The following SLC16A12 variants were observed in gnomAD, a reference collection of about 807,000 sequenced individuals.
The protein encoded by SLC16A12 is monocarboxylate transporter 12.
Under a neutral mutation model 42.4 loss-of-function variants are expected in SLC16A12, and 17 were observed. The observed-to-expected ratio is 0.40, with a 90% CI of 0.27 to 0.60. The LOEUF (loss-of-function observed/expected upper bound fraction) is 0.60. Among genes scored for constraint, SLC16A12 ranks in the 20% least tolerant of loss-of-function variants. The pLI is 0.42. For synonymous variants in SLC16A12, 224 were observed against 229.4 expected, an observed-to-expected ratio of 0.98 and a Z score of 0.21; for missense variants, 544 against 623.0, an observed-to-expected ratio of 0.87 and a Z score of 1.35.
chr10:89,510,304 T>G (rs1199889712), intron 2 of SLC16A12, among the ~76,000 whole-genome samples: 1 of 152,182 alleles, frequency 6.6e-6, no homozygotes, highest in Admixed American at 6.5e-5. Context: ...AGAATAAAGC[T>G]GGAGGCATCC....
intron 7 of SLC16A12, 126 bp from the exon 8 acceptor site, chr10:89,433,452 A>C: frequency 1.0e-6 from 1 of 978,202 alleles, no homozygotes; most frequent in East Asian, 2.6e-5. Flanking sequence ...ACTTTGAAAC[A>C]AAAAGAGGTC....
intron 2 of SLC16A12, among the ~76,000 whole-genome samples, chr10:89,552,520 G>T (rs1270566639): frequency 6.6e-6 from 1 of 152,178 alleles, no homozygotes; most frequent in Non-Finnish European, 1.5e-5. Context: ...ATGAATTGAG[G>T]TGGACGTGTG....
chr10:89,502,376 G>A (rs2133823677), intron 2 of SLC16A12, among the ~76,000 whole-genome samples: 1 of 152,192 alleles, frequency 6.6e-6, no homozygotes, highest in East Asian at 1.9e-4. Flanking sequence ...CTTGAACCCA[G>A]GAGGCAGAGG....
chr10:89,539,073 C>T (rs1486030986), upstream of SLC16A12, among the ~76,000 whole-genome samples: 1 of 152,092 alleles, frequency 6.6e-6, no homozygotes, highest in African/African-American at 2.4e-5. Flanking sequence ...TCCGATTTTC[C>T]TCTGCTGTAT....
At chr10:89,436,914 A>AAGAGAAAGAAAGAAAAAG (rs796398100) in intron 6 of SLC16A12, among the ~76,000 whole-genome samples, 3 of 136,462 alleles carry the variant, frequency 2.2e-5, no homozygotes, top group African/African-American at 8.5e-5. Flanking sequence ...GAAAGAAAGA[A>AAGAGAAAGAAAGAAAAAG]AAAGAAAGAG....
rs368152347 is a variant in SLC16A12, at chr10:89,477,500, G to A, written c.-46-14876C>T. Among the ~76,000 whole-genome samples, 5 of 147,346 alleles carry A rather than the reference G, an allele frequency of 3.4e-5. No individual in the cohort carries two copies. The South Asian group carries it at 8.5e-4, about 25-fold the overall frequency. Reference sequence around the variant, plus strand: ...AATCACTTGAACCCAGGAGGAGGAGGTTGCGTTGAGCCGAGATTGTGCCAT... The same window carrying A: ...AATCACTTGAACCCAGGAGGAGGAGATTGCGTTGAGCCGAGATTGTGCCAT... On this transcript the variant is annotated intron_variant, in intron 2 of 7. Coordinates refer to ENST00000371790, the MANE Select transcript of SLC16A12 (RefSeq NM_213606.4).
chr10:89,483,332 T>C (rs376858457), intron 2 of SLC16A12, among the ~76,000 whole-genome samples: 1 of 152,248 alleles, frequency 6.6e-6, no homozygotes, highest in East Asian at 1.9e-4. Context: ...AACACAAACA[T>C]TGAGTCCATA....
intron 2 of SLC16A12, among the ~76,000 whole-genome samples, chr10:89,521,909 T>A (rs1843364387): frequency 6.6e-6 from 1 of 152,256 alleles, no homozygotes; most frequent in Non-Finnish European, 1.5e-5. Context: ...GTGGTCTTTA[T>A]TGTATGCCGG....
intron 2 of SLC16A12, among the ~76,000 whole-genome samples, chr10:89,470,016 T>G (rs1589686279): frequency 6.6e-6 from 1 of 152,220 alleles, no homozygotes; most frequent in Non-Finnish European, 1.5e-5. Flanking sequence ...ATAGGTAATA[T>G]TTTTTAAGAA....
At chr10:89,493,466 G>A (rs967692064) in intron 2 of SLC16A12, among the ~76,000 whole-genome samples, 4 of 152,090 alleles carry the variant, frequency 2.6e-5, no homozygotes, top group Non-Finnish European at 5.9e-5. Flanking sequence ...CAGGTAATCC[G>A]CCCACTTTGG....
chr10:89,452,994 A>G (rs1842120123), intron 3 of SLC16A12, among the ~76,000 whole-genome samples: 1 of 152,210 alleles, frequency 6.6e-6, no homozygotes, highest in Admixed American at 6.5e-5. Flanking sequence ...AGGCCAAATG[A>G]GTGGCACATC....
intron 2 of SLC16A12, chr10:89,462,953 C>T (rs1328891797): frequency 5.2e-6 from 1 of 192,604 alleles, no homozygotes; most frequent in African/African-American, 2.4e-5. Flanking sequence ...TCTGGTTCAT[C>T]AACTCAAAGG....
Position 89,441,103 on chromosome 10 carries a change from C to T in SLC16A12, c.448+5G>A, listed in dbSNP as rs375156775. 2.4e-5 allele frequency: 39 copies of T among 1,613,766 alleles called. No homozygotes were observed. The African/African-American group carries it at 3.3e-4, about 14-fold the overall frequency. ...GGTGAGACAGGTGGTACAAAGTGCC[C>T]TTACCTGTAAGAACTCCCAGAGTGA... On this transcript the variant is annotated splice_donor_5th_base_variant and intron_variant, in intron 5 of 7. Transcript: ENST00000371790.
intron 2 of SLC16A12, among the ~76,000 whole-genome samples, chr10:89,512,251 C>T (rs994569225): frequency 3.3e-5 from 5 of 152,124 alleles, no homozygotes; most frequent in African/African-American, 9.7e-5. Flanking sequence ...CACAACAATG[C>T]GAATGGTGAA....
intron 2 of SLC16A12, among the ~76,000 whole-genome samples, chr10:89,552,819 G>A (rs12415553): frequency 0.012 from 1,895 of 152,230 alleles, 78 homozygotes; most frequent in Admixed American, 0.078. Context: ...CTTTCCTCTC[G>A]GAGTGTCAGT....
intron 4 of SLC16A12, 37 bp downstream of exon 4, chr10:89,443,719 T>C (rs781561174): frequency 1.4e-6 from 2 of 1,381,304 alleles, no homozygotes; most frequent in Non-Finnish European, 2.1e-6. Flanking sequence ...AGTTCAAGAG[T>C]GGCCAGTAAT....
intron 2 of SLC16A12, among the ~76,000 whole-genome samples, chr10:89,467,614 T>C (rs912183401): frequency 6.6e-6 from 1 of 152,264 alleles, no homozygotes; most frequent in African/African-American, 2.4e-5. Flanking sequence ...CTCATCTACT[T>C]TGTGAGGGAA....
chr10:89,441,229 A>T lies in SLC16A12; in HGVS notation c.327T>A (p.Ser109Arg), dbSNP rs1841904821. ...TTCCCACTTGACAGGATAAATGGTT[A>T]CTGACAACACTCCCAAGTGGAGCTT... ...MLCAPLGSVVSNHLSCQVGIM... is the reference protein window; with the variant it reads ...MLCAPLGSVVRNHLSCQVGIM... The change falls in exon 5 of 8, where the codon AGT becomes AGA. Residue 109 changes from serine (S) to arginine (R), a missense_variant. Physicochemically the swap from Ser to Arg is moderately radical, Grantham distance 110. Coordinates refer to ENST00000371790, the MANE Select transcript of SLC16A12 (RefSeq NM_213606.4). 10 of 1,614,012 alleles carry T rather than the reference A, an allele frequency of 6.2e-6. No individual in the cohort carries two copies. The highest frequency in any genetic ancestry group is 8.5e-6 in the Non-Finnish European group (10 of 1,179,994).
At chr10:89,553,868 T>C (rs973576121) in intron 2 of SLC16A12, among the ~76,000 whole-genome samples, 1 of 151,554 alleles carries the variant, frequency 6.6e-6, no homozygotes, top group African/African-American at 2.4e-5. Flanking sequence ...TGGTGGCAGG[T>C]GCCTGTAATC....
Sources: allele counts gnomAD v4.1 joint callset (sites outside exome capture counted in the v4.1 genomes callset), GRCh38; gene constraint gnomAD v4.1.1; transcripts MANE v1.5; gene names NCBI Gene and HGNC (gene_info 2026-07-23, HGNC 2026-07-21).